The following COL5A1 variants were observed in gnomAD, a reference collection of about 807,000 sequenced individuals.
COL5A1 encodes collagen alpha-1(V) chain.
Under a neutral mutation model 263.7 loss-of-function variants are expected in COL5A1, and 16 were observed. That is an observed-to-expected ratio of 0.06 (90% CI 0.04 to 0.09). The LOEUF (loss-of-function observed/expected upper bound fraction) is 0.09. Ranked by LOEUF, COL5A1 falls within the 10% of genes least tolerant of loss-of-function variation. COL5A1 has a pLI of 1.00. For synonymous variants in COL5A1, 1,012 were observed against 1,004.5 expected (o/e 1.01, Z -0.14); for missense variants, 2,036 against 2,540.5 (o/e 0.80, Z 4.27).
chr9:134,807,520 T>G (rs1588572596), intron 42 of COL5A1, among the ~76,000 whole-genome samples: 1 of 152,216 alleles, frequency 6.6e-6, no homozygotes, highest in South Asian at 2.1e-4. Context: ...CTCGAACTCC[T>G]GACCTCAAGT....
intron 11 of COL5A1, among the ~76,000 whole-genome samples, chr9:134,748,163 C>G (rs988171864): frequency 6.6e-6 from 1 of 151,130 alleles, no homozygotes; most frequent in East Asian, 1.9e-4. Flanking sequence ...ACATTCCACA[C>G]GTGCACACAC....
At position 134,784,956 on chromosome 9, in the gene COL5A1, T is replaced by G. The variant is rs117948766; in HGVS notation, c.2485-33T>G. On this transcript the variant is annotated intron_variant, in intron 29 of 65. Coordinates refer to ENST00000371817, the MANE Select transcript of COL5A1 (RefSeq NM_000093.5). ...TGGAGAATAGTGTGTGTGCGGGGGG[T>G]GGTCTTCTCACCTCCTCTTTTCTGG... 188,087 of 1,509,510 alleles carry G rather than the reference T, an allele frequency of 0.12. 13,525 individuals are homozygous for G. The highest frequency in any genetic ancestry group is 0.25 in the African/African-American group (18,007 of 72,468). The allele number at this position is 1,509,510 out of a possible 1,614,324, so 93.5% of individuals were successfully genotyped here. A position where few individuals can be genotyped will look rare whatever the true frequency, so the allele number is the denominator to read the frequency against.
At chr9:134,714,338 TATG>T (rs1200359839) in intron 4 of COL5A1, among the ~76,000 whole-genome samples, 4 of 147,922 alleles carry the variant, frequency 2.7e-5, no homozygotes, top group East Asian at 2.0e-4. Context: ...TAATGGTGAG[TATG>T]ATGATGATGA....
At position 134,751,247 on chromosome 9, in the gene COL5A1, C is replaced by T. The variant is rs1044239696; in HGVS notation, c.1662+365C>T. Among the ~76,000 whole-genome samples, 13 of 152,052 alleles carry T rather than the reference C, an allele frequency of 8.5e-5. No homozygotes were observed. In the South Asian group the frequency reaches 2.1e-3, roughly 25 times the overall value. Reference sequence around the variant, plus strand: ...GCGTGTCACTGTCCAGTAGGGACCCCGAGATCATGGGGACTGTTTGGGGAG... The same window carrying T: ...GCGTGTCACTGTCCAGTAGGGACCCTGAGATCATGGGGACTGTTTGGGGAG... On this transcript the variant is annotated intron_variant, in intron 13 of 65. Transcript: ENST00000371817.
intron 52 of COL5A1, 51 bp from the exon 53 acceptor site, chr9:134,816,975 G>T: frequency 1.3e-6 from 2 of 1,543,406 alleles, no homozygotes; most frequent in Non-Finnish European, 1.8e-6. Context: ...TGCCTCAATT[G>T]AGTCTAACGG....
intron 4 of COL5A1, among the ~76,000 whole-genome samples, chr9:134,705,210 G>A (rs1035214238): frequency 2.6e-5 from 4 of 152,348 alleles, no homozygotes; most frequent in African/African-American, 9.6e-5. Flanking sequence ...AAAGTGATGC[G>A]CCCTTGAGGG....
rs546570838 is a variant in COL5A1 at position 134,803,972 on chromosome 9, G to A, written c.3114+977G>A. ...CCCCTTTTCATATCTCCTCCCCTGG[G>A]CGCCCCAGGTTCACTGGCCATAACT... On this transcript the variant is annotated intron_variant, in intron 39 of 65. Coordinates refer to ENST00000371817, the MANE Select transcript of COL5A1 (RefSeq NM_000093.5). 2.6e-5 allele frequency among the ~76,000 whole-genome samples: 4 copies of A among 152,240 alleles called. No homozygotes were observed. In the East Asian group the frequency reaches 7.7e-4, roughly 29 times the overall value.
chr9:134,651,405 G>A (rs1326178483), intron 1 of COL5A1, among the ~76,000 whole-genome samples: 2 of 152,172 alleles, frequency 1.3e-5, no homozygotes, highest in East Asian at 3.8e-4. Context: ...TACTTGAGAG[G>A]CTGAGGTGGG....
chr9:134,801,902 G>A, intron 37 of COL5A1, 52 bp from the exon 38 acceptor site: 1 of 1,539,620 alleles, frequency 6.5e-7, no homozygotes, highest in Non-Finnish European at 9.0e-7. Flanking sequence ...GTGCAGGGCA[G>A]GGTGGCGCAG....
At chr9:134,753,196 C>T (rs182250762) in intron 14 of COL5A1, among the ~76,000 whole-genome samples, 32 of 152,290 alleles carry the variant, frequency 2.1e-4, no homozygotes, top group East Asian at 3.9e-4. Context: ...TGGGGCAGAA[C>T]GCAGGATTTC....
chr9:134,728,342 G>A (rs1244675177), intron 5 of COL5A1, among the ~76,000 whole-genome samples: 2 of 152,246 alleles, frequency 1.3e-5, no homozygotes, highest in Admixed American at 6.5e-5. Context: ...ACATGGTGAC[G>A]GCTGCACAGA....
In COL5A1 at chr9:134,766,472, G is replaced by A. The variant is rs772447618; in HGVS notation, c.2107G>A (p.Gly703Ser). 3 of 1,614,120 alleles carry A rather than the reference G, an allele frequency of 1.9e-6. No homozygotes were observed. The highest frequency in any genetic ancestry group is 1.1e-5 in the South Asian group (1 of 91,076). The change falls in exon 22 of 66, where the codon GGC (glycine) becomes AGC (serine). Residue 703 changes from glycine (G) to serine (S), a missense_variant. Transcript: ENST00000371817. Reference sequence around the variant, plus strand: ...TACACAGGGTGTCACGGGTATGGACGGCCAGCCGGGGCCAAAAGGAAATGT... The same window carrying A: ...TACACAGGGTGTCACGGGTATGGACAGCCAGCCGGGGCCAAAAGGAAATGT... The part of the protein sequence containing the change: ...PGPPGVTGMD[G>S]QPGPKGNVGP...
Position 134,701,359 on chromosome 9 carries a change from T to C in COL5A1, c.654+26T>C, listed in dbSNP as rs368529743. The C allele has an allele frequency of 1.3e-5, 21 of 1,609,834 alleles. No homozygotes were observed. In the African/African-American group the frequency reaches 2.3e-4, roughly 17 times the overall value. On this transcript the variant is annotated intron_variant, in intron 4 of 65. Coordinates refer to ENST00000371817, the MANE Select transcript of COL5A1 (RefSeq NM_000093.5). The stretch of plus-strand genomic sequence containing the variant: ...GTGAGCAGGAGGGCAGACCAACCCC[T>C]GTGCCCACCAGGGCACTCCTCCTGT...
chr9:134,666,002 G>A (rs574725901), intron 1 of COL5A1, among the ~76,000 whole-genome samples: 4 of 152,216 alleles, frequency 2.6e-5, no homozygotes, highest in African/African-American at 7.2e-5. Context: ...CAGGAGAATC[G>A]CTTGAACCCG....
rs772316957 is a variant in COL5A1, at chr9:134,818,646, C to T, written c.4231-10C>T. The T allele has an allele frequency of 1.4e-5, 22 of 1,602,234 alleles. No individual in the cohort carries two copies. Among genetic ancestry groups the T allele is most frequent in the South Asian group, 6.7e-5 (6 of 89,834 alleles). On this transcript the variant is annotated splice_polypyrimidine_tract_variant and intron_variant, in intron 54 of 65. Transcript: ENST00000371817. This position sits in a 1 kb window ranked among gnomAD's most constrained non-coding sequence, Gnocchi z 6.0. Reference sequence around the variant, plus strand: ...CTCCGGACCTCATTCTGCCCTCCGCCGTCCTGCAGGGAGAAGCCGGCTTGG... The same window carrying T: ...CTCCGGACCTCATTCTGCCCTCCGCTGTCCTGCAGGGAGAAGCCGGCTTGG...
intron 4 of COL5A1, among the ~76,000 whole-genome samples, chr9:134,709,593 C>T (rs1456363940): frequency 6.6e-6 from 1 of 152,190 alleles, no homozygotes; most frequent in African/African-American, 2.4e-5. Context: ...AAGGAGGGGT[C>T]CAGAGACCCC....
intron 29 of COL5A1, 37 bp from the exon 30 acceptor site, chr9:134,784,952 G>GGGGGGCA (rs1165707040): frequency 3.0e-5 from 45 of 1,483,504 alleles, no homozygotes; most frequent in Non-Finnish European, 3.9e-5. Flanking sequence ...GTGTGTGCGG[G>GGGGGGCA]GGGTGGTCTT....
intron 1 of COL5A1, among the ~76,000 whole-genome samples, chr9:134,666,289 C>A (rs1832353276): frequency 6.6e-6 from 1 of 152,190 alleles, no homozygotes; most frequent in African/African-American, 2.4e-5. Context: ...TGGTACCTAC[C>A]TCTCCTGGTG....
chr9:134,699,944 A>G lies in COL5A1; in HGVS notation c.313A>G (p.Thr105Ala). The change falls in exon 3 of 66, where the codon ACT (threonine) becomes GCT (alanine). Residue 105 changes from threonine (T) to alanine (A), a missense_variant. Transcript: ENST00000371817. ...AFPEDFSILT[T>A]VKAKKGSQAF... is the part of the protein sequence containing the mutation. ...TCCCGAGGACTTCTCCATCCTAACA[A>G]CTGTGAAAGCCAAGAAAGGCAGCCA... 2 of 1,613,972 alleles carry G rather than the reference A, an allele frequency of 1.2e-6. No homozygotes were observed. Among genetic ancestry groups the G allele is most frequent in the South Asian group, 1.1e-5 (1 of 91,086 alleles).
Sources: gnomAD v4.1 joint callset for allele counts (sites outside exome capture counted in the v4.1 genomes callset) on GRCh38, gnomAD v4.1.1 for gene constraint, Gnocchi (gnomAD v3.1) non-coding constraint, MANE v1.5 for transcripts, NCBI Gene and HGNC (gene_info 2026-07-23, HGNC 2026-07-21) for gene names.